Variants in RB1 observed in about 807,000 individuals in gnomAD.
The protein encoded by RB1 is RB transcriptional corepressor 1, also known as retinoblastoma-associated protein.
Under a neutral mutation model 135.4 loss-of-function variants are expected in RB1, and 18 were observed. The ratio of observed to expected loss-of-function variants is 0.13; its 90% confidence interval spans 0.09 to 0.20. The LOEUF (loss-of-function observed/expected upper bound fraction) is 0.20, where lower values mean the gene tolerates loss of function less well. RB1 is among the 10% of genes least tolerant of loss of function. The pLI, the probability that RB1 is intolerant of heterozygous loss-of-function variation, is 1.00. For missense variants in RB1, 868 were observed against 1,110.0 expected (o/e 0.78, Z 3.10); for synonymous variants, 365 against 373.2 (o/e 0.98, Z 0.25).
intron 17 of RB1, chr13:48,412,316 A>G: frequency 6.2e-7 from 1 of 1,613,058 alleles, no homozygotes; most frequent in South Asian, 1.1e-5. Flanking sequence ...ATATGGCAAC[A>G]CAATTGGATA....
intron 17 of RB1, among the ~76,000 whole-genome samples, chr13:48,423,167 G>C (rs1949031255): frequency 6.6e-6 from 1 of 152,158 alleles, no homozygotes; most frequent in Non-Finnish European, 1.5e-5. Flanking sequence ...ATGAAATATA[G>C]TGAATTTCAT....
chr13:48,403,669 A>G (rs1948713748), intron 17 of RB1, among the ~76,000 whole-genome samples: 1 of 152,178 alleles, frequency 6.6e-6, no homozygotes, highest in African/African-American at 2.4e-5. Flanking sequence ...AGGGCTTGTT[A>G]AAACACATAT....
At chr13:48,305,644 A>C (rs1228157080) in intron 1 of RB1, among the ~76,000 whole-genome samples, 1 of 150,600 alleles carries the variant, frequency 6.6e-6, no homozygotes, top group East Asian at 1.9e-4. Context: ...TAATGGAACT[A>C]TAAAAAATTC....
At chr13:48,460,937 G>A (rs1293453275) in intron 20 of RB1, among the ~76,000 whole-genome samples, 6 of 152,070 alleles carry the variant, frequency 3.9e-5, no homozygotes. Flanking sequence ...GCTCCAACCT[G>A]GGTAACAGAG....
intron 16 of RB1, 127 bp downstream of exon 16, chr13:48,380,368 A>T (rs758414411): frequency 2.6e-4 from 178 of 692,358 alleles, no homozygotes; most frequent in Non-Finnish European, 3.2e-4. Flanking sequence ...AGATCACTAT[A>T]TACTGAAGAA....
chr13:48,402,744 T>C (rs933165952), intron 17 of RB1, among the ~76,000 whole-genome samples: 2 of 152,140 alleles, frequency 1.3e-5, no homozygotes, highest in Admixed American at 1.3e-4. Flanking sequence ...TTCCCCTCGT[T>C]TTAGGTAGCT....
At chr13:48,350,759 C>G (rs1952540571) in intron 6 of RB1, among the ~76,000 whole-genome samples, 1 of 152,022 alleles carries the variant, frequency 6.6e-6, no homozygotes, top group South Asian at 2.1e-4. Flanking sequence ...GACCCCAGTG[C>G]CTGTTGTTTC....
At chr13:48,342,895 G>T (rs1320694793) in intron 3 of RB1, among the ~76,000 whole-genome samples, 181 bp downstream of exon 3, 1 of 152,056 alleles carries the variant, frequency 6.6e-6, no homozygotes, top group Non-Finnish European at 1.5e-5. Flanking sequence ...TATTTATGCT[G>T]TATTTCTTTA....
chr13:48,355,043 C>G (rs957558962), intron 6 of RB1, among the ~76,000 whole-genome samples: 1 of 151,998 alleles, frequency 6.6e-6, no homozygotes, highest in African/African-American at 2.4e-5. Flanking sequence ...CAAACACAGT[C>G]AACCAAAGCA....
At chr13:48,308,237 C>T (rs1451667044) in intron 2 of RB1, among the ~76,000 whole-genome samples, 1 of 151,484 alleles carries the variant, frequency 6.6e-6, no homozygotes, top group Non-Finnish European at 1.5e-5. Context: ...ATAGTCCCAG[C>T]TACTTGGGAG....
At chr13:48,457,919 G>A (rs1348772775) in intron 19 of RB1, among the ~76,000 whole-genome samples, 1 of 152,192 alleles carries the variant, frequency 6.6e-6, no homozygotes, top group East Asian at 1.9e-4. Flanking sequence ...TGCCTTCCCC[G>A]GCCCCCAAGT....
chr13:48,378,004 G>A (rs1003014846), intron 13 of RB1, among the ~76,000 whole-genome samples: 2 of 152,154 alleles, frequency 1.3e-5, no homozygotes, highest in African/African-American at 2.4e-5. Flanking sequence ...TTTGCACAGA[G>A]CACTTACTAT....
intron 12 of RB1, among the ~76,000 whole-genome samples, chr13:48,376,001 A>G (rs1239121265): frequency 6.6e-6 from 1 of 151,874 alleles, no homozygotes; most frequent in Non-Finnish European, 1.5e-5. Context: ...TACTTTTTAT[A>G]TATCATAATA....
chr13:48,348,016 A>G (rs1351351992), intron 5 of RB1, among the ~76,000 whole-genome samples, 153 bp downstream of exon 5: 2 of 151,866 alleles, frequency 1.3e-5, no homozygotes, highest in East Asian at 1.9e-4. Context: ...TAGATTATTT[A>G]TCTTCTCACA....
chr13:48,323,012 A>C (rs1213068168), intron 2 of RB1, among the ~76,000 whole-genome samples: 1 of 151,922 alleles, frequency 6.6e-6, no homozygotes, highest in Admixed American at 6.6e-5. Flanking sequence ...TTTTAGTATC[A>C]AGATAATACT....
chr13:48,461,259 T>C (rs1949403343), intron 20 of RB1, among the ~76,000 whole-genome samples: 1 of 152,174 alleles, frequency 6.6e-6, no homozygotes, highest in South Asian at 2.1e-4. Context: ...TGGAATTATA[T>C]AATATGTGGT....
rs151293722 is a variant in RB1 at position 48,314,538 on chromosome 13, G to A, written c.264+7132G>A. Among the ~76,000 whole-genome samples the A allele has an allele frequency of 3.1e-3, 471 of 152,202 alleles. 3 individuals are homozygous for A. Among genetic ancestry groups the A allele is most frequent in the African/African-American group, 9.9e-3 (409 of 41,520 alleles). ...AAATCAGTTGGGCACGGAGGCTCAC[G>A]CCTGTAATCTTAGCACTTTGGGAGG... On this transcript the variant is annotated intron_variant, in intron 2 of 26. Transcript: ENST00000267163.
At chr13:48,405,767 C>T (rs568259316) in intron 17 of RB1, among the ~76,000 whole-genome samples, 1 of 152,238 alleles carries the variant, frequency 6.6e-6, no homozygotes, top group African/African-American at 2.4e-5. Context: ...CTTTGATATT[C>T]CTTCTATCCC....
intron 7 of RB1, chr13:48,360,824 A>G (rs1952632530): frequency 6.6e-6 from 1 of 152,144 alleles, no homozygotes; most frequent in Admixed American, 6.6e-5. Flanking sequence ...TATTATATAC[A>G]GAAAAATGTA....
Sources: gnomAD v4.1 joint callset for allele counts (sites outside exome capture counted in the v4.1 genomes callset) on GRCh38, gnomAD v4.1.1 for gene constraint, MANE v1.5 for transcripts, NCBI Gene and HGNC (gene_info 2026-07-23, HGNC 2026-07-21) for gene names.